The following CFAP36 variants were observed in gnomAD, a reference collection of about 807,000 sequenced individuals.
CFAP36 encodes the protein cilia- and flagella-associated protein 36.
Under a neutral mutation model 50.5 loss-of-function variants are expected in CFAP36, and 37 were observed. The observed-to-expected ratio is 0.73, with a 90% CI of 0.56 to 0.96. The LOEUF (loss-of-function observed/expected upper bound fraction) is 0.96, where lower values mean the gene tolerates loss of function less well. Among genes scored for constraint, CFAP36 ranks in the 50% least tolerant of loss-of-function variants. The pLI is 0.00. For missense variants in CFAP36, 407 were observed against 396.2 expected (o/e 1.03, Z -0.23); for synonymous variants, 138 against 128.2 (o/e 1.08, Z -0.52).
intron 7 of CFAP36, 122 bp downstream of exon 7, chr2:55,537,707 T>C (rs1684528424): frequency 4.6e-6 from 3 of 658,056 alleles, no homozygotes; most frequent in Admixed American, 3.3e-5. Flanking sequence ...TGAATGTCTT[T>C]GGTATTTAAC....
intron 7 of CFAP36, among the ~76,000 whole-genome samples, chr2:55,538,180 T>C (rs1054577757): frequency 2.6e-5 from 4 of 152,202 alleles, no homozygotes; most frequent in African/African-American, 9.7e-5. Context: ...GAAATTATGG[T>C]CATGAATTCA....
intron 3 of CFAP36, among the ~76,000 whole-genome samples, chr2:55,524,727 A>G (rs191827229): frequency 1.2e-4 from 18 of 152,158 alleles, no homozygotes; most frequent in South Asian, 1.0e-3. Context: ...CACGCCTGTA[A>G]TCCCAGTACT....
Position 55,532,498 on chromosome 2 carries a change from A to C in CFAP36, c.398-1375A>C, listed in dbSNP as rs577146455. 3.7e-3 allele frequency among the ~76,000 whole-genome samples: 565 copies of C among 152,292 alleles called. 5 individuals carry two copies. Among genetic ancestry groups the C allele is most frequent in the African/African-American group, 8.2e-3 (342 of 41,550 alleles). On this transcript the variant is annotated intron_variant, in intron 4 of 9. Coordinates refer to ENST00000349456, the MANE Select transcript of CFAP36 (RefSeq NM_080667.7). ...TCCTCAGGAAGATTATTAGGAGAATAATAATTTTATATCTTTTGACTGAGC... is the reference window on the plus strand; with the variant it reads ...TCCTCAGGAAGATTATTAGGAGAATCATAATTTTATATCTTTTGACTGAGC...
At position 55,533,973 on chromosome 2, in the gene CFAP36, A is replaced by C; in HGVS notation, c.485+13A>C. The C allele has an allele frequency of 6.6e-7, 1 of 1,520,608 alleles. No individual in the cohort carries two copies. Among genetic ancestry groups the C allele is most frequent in the Non-Finnish European group, 9.1e-7 (1 of 1,101,810 alleles). 94.2% of individuals were successfully genotyped at this position (1,520,608 alleles called of 1,614,324 possible). A position where few individuals can be genotyped will look rare whatever the true frequency, so the allele number is the denominator to read the frequency against. ...GGGAAGTTCTTAGGTACCATTCTTT[A>C]ATTGTTTTTTAAATGAATCATTATT... On this transcript the variant is annotated intron_variant, in intron 5 of 9. Transcript: ENST00000349456.
chr2:55,538,915 A>G, intron 7 of CFAP36: 1 of 1,443,496 alleles, frequency 6.9e-7, no homozygotes. Flanking sequence ...ATGTTTACCC[A>G]TTAATTTTTT....
chr2:55,525,717 G>A (rs112805291), intron 3 of CFAP36, among the ~76,000 whole-genome samples: 3,617 of 151,716 alleles, frequency 0.024, 148 homozygotes, highest in African/African-American at 0.083. Flanking sequence ...TGCAACCTCC[G>A]TCTCCTAGGT....
chr2:55,519,722 C>G lies in CFAP36; in HGVS notation c.-80C>G. The G allele has an allele frequency of 7.2e-7, 1 of 1,397,904 alleles. No homozygotes were observed. The highest frequency in any genetic ancestry group is 1.4e-5 in the African/African-American group (1 of 70,708). 86.6% of individuals were successfully genotyped at this position (1,397,904 alleles called of 1,614,324 possible). A position where few individuals can be genotyped will look rare whatever the true frequency, so the allele number is the denominator to read the frequency against. Reference sequence around the variant, plus strand: ...GGCCAGCTCTTCCCCTACTCCCTCTCGGCTCCTTGTGGCCCAAAGGCCTAA... The same window carrying G: ...GGCCAGCTCTTCCCCTACTCCCTCTGGGCTCCTTGTGGCCCAAAGGCCTAA... On this transcript the variant is annotated 5_prime_UTR_variant, in exon 1 of 10. Coordinates refer to ENST00000349456, the MANE Select transcript of CFAP36 (RefSeq NM_080667.7).
intron 4 of CFAP36, among the ~76,000 whole-genome samples, chr2:55,531,514 G>A (rs977611511): frequency 2.0e-5 from 3 of 152,132 alleles, no homozygotes; most frequent in Non-Finnish European, 2.9e-5. Flanking sequence ...AGACAGGTTC[G>A]GGATTGGTTA....
At chr2:55,537,800 A>T (rs1684532000) in intron 7 of CFAP36, among the ~76,000 whole-genome samples, 1 of 152,196 alleles carries the variant, frequency 6.6e-6, no homozygotes, top group South Asian at 2.1e-4. Flanking sequence ...TTCCGTGTAA[A>T]GCCTGGAACC....
Position 55,544,318 on chromosome 2 carries a change from T to G in CFAP36, c.876T>G (p.Thr292=). The change falls in exon 9 of 10, where the codon ACT becomes ACG. Residue 292 remains threonine, a synonymous_variant. Transcript: ENST00000349456. The stretch of plus-strand genomic sequence containing the variant: ...TGTCCATGAGAAAGGATATGAGGAC[T>G]AAACAGATACAAAATATGGAGCAGA... The part of the protein sequence containing the change: ...KLMSMRKDMR[T]KQIQNMEQKG... The G allele has an allele frequency of 6.2e-7, 1 of 1,613,862 alleles. No individual in the cohort carries two copies. The highest frequency in any genetic ancestry group is 8.5e-7 in the Non-Finnish European group (1 of 1,179,888).
At chr2:55,535,631 T>C (rs993788159) in intron 5 of CFAP36, 81 bp from the exon 6 acceptor site, 97 of 1,039,182 alleles carry the variant, frequency 9.3e-5, no homozygotes, top group Non-Finnish European at 1.3e-4. Context: ...TAAGCTTAGG[T>C]TAGCATGTTG....
At chr2:55,534,148 C>T (rs1050972930) in intron 5 of CFAP36, among the ~76,000 whole-genome samples, 188 bp downstream of exon 5, 2 of 152,132 alleles carry the variant, frequency 1.3e-5, no homozygotes, top group African/African-American at 2.4e-5. Flanking sequence ...TTTCAGGTAA[C>T]TTATACCAGA....
chr2:55,538,451 C>G (rs754760141), intron 7 of CFAP36, among the ~76,000 whole-genome samples: 1 of 151,642 alleles, frequency 6.6e-6, no homozygotes, highest in Non-Finnish European at 1.5e-5. Context: ...GGCACCACCA[C>G]GCCCAGCTAA....
At chr2:55,526,112 C>A (rs1419852117) in intron 3 of CFAP36, among the ~76,000 whole-genome samples, 3 of 152,212 alleles carry the variant, frequency 2.0e-5, no homozygotes, top group Non-Finnish European at 4.4e-5. Context: ...AAAGTCAGAC[C>A]AGAATTCAAT....
At chr2:55,528,626 CCT>C (rs1295733194) in intron 3 of CFAP36, among the ~76,000 whole-genome samples, 1 of 152,064 alleles carries the variant, frequency 6.6e-6, no homozygotes, top group Non-Finnish European at 1.5e-5. Context: ...GAACTCCTGA[CCT>C]CAAGTGTTCT....
intron 9 of CFAP36, among the ~76,000 whole-genome samples, chr2:55,544,628 G>T (rs17792972): frequency 1.3e-5 from 2 of 152,036 alleles, no homozygotes; most frequent in African/African-American, 2.4e-5. Context: ...AGTATGTCAG[G>T]GTTGGTGGTC....
chr2:55,538,781 A>C (rs1369253276), intron 7 of CFAP36: 2 of 1,545,602 alleles, frequency 1.3e-6, no homozygotes, highest in Admixed American at 2.0e-5. Flanking sequence ...AAGGAAGCTG[A>C]GCGACTTGTC....
chr2:55,531,922 G>T (rs1214273861), intron 4 of CFAP36, among the ~76,000 whole-genome samples: 1 of 152,210 alleles, frequency 6.6e-6, no homozygotes, highest in African/African-American at 2.4e-5. Context: ...AGGAGGAGGG[G>T]AATGATGTAG....
rs766837635 is a variant in CFAP36 at position 55,519,843 on chromosome 2, G to C, written c.42G>C (p.Glu14Asp). The C allele has an allele frequency of 6.2e-7, 1 of 1,614,146 alleles. No individual in the cohort carries two copies. Among genetic ancestry groups the C allele is most frequent in the Non-Finnish European group, 8.5e-7 (1 of 1,180,054 alleles). Residue 14 changes from glutamate (E) to aspartate (D), a missense_variant, in exon 1 of 10, where the codon GAG becomes GAC. Glu to Asp is a conservative substitution (Grantham distance 45). Transcript: ENST00000349456. Reference protein sequence around the residue: ...EEEDEVEWVVESIAGFLRGPD... With the variant: ...EEEDEVEWVVDSIAGFLRGPD... The stretch of plus-strand genomic sequence containing the variant: ...AAGACGAGGTGGAGTGGGTAGTGGA[G>C]AGCATCGCGGGGTTCCTGCGAGGCC...
Sources: gnomAD v4.1 joint callset for allele counts (sites outside exome capture counted in the v4.1 genomes callset) on GRCh38, gnomAD v4.1.1 for gene constraint, MANE v1.5 for transcripts, NCBI Gene and HGNC (gene_info 2026-07-23, HGNC 2026-07-21) for gene names.